Variants in PALD1 observed in about 807,000 individuals in gnomAD.
The protein encoded by PALD1 is paladin.
In PALD1, 57 loss-of-function variants were observed where a neutral mutation model predicts 96.0. That is an observed-to-expected ratio of 0.59 (90% CI 0.48 to 0.74). The LOEUF (loss-of-function observed/expected upper bound fraction) is 0.74. Ranked by LOEUF, PALD1 falls within the 30% of genes least tolerant of loss-of-function variation. The pLI is 0.00. For synonymous variants in PALD1, 464 were observed against 473.6 expected (o/e 0.98, Z 0.26); for missense variants, 1,063 against 1,143.7 (o/e 0.93, Z 1.02).
At chr10:70,469,441 G>A in the PALD1 span, among the ~76,000 whole-genome samples, 10 of 152,210 alleles carry the variant, frequency 6.6e-5, no homozygotes, top group Non-Finnish European at 8.8e-5. Context: ...GGGGGTGTCT[G>A]GAGGGGCCTT....
At chr10:70,507,750 CGTGTGT>C (rs10579511) in intron 1 of PALD1, among the ~76,000 whole-genome samples, 2,075 of 148,736 alleles carry the variant, frequency 0.014, 37 homozygotes, top group African/African-American at 0.042. Context: ...TTTGTGTGTG[CGTGTGT>C]GTGTGTGTGT....
intron 18 of PALD1, among the ~76,000 whole-genome samples, chr10:70,559,855 C>T (rs999399669): frequency 6.6e-6 from 1 of 152,152 alleles, no homozygotes; most frequent in African/African-American, 2.4e-5. Context: ...GTCCAGTCTG[C>T]AATCCTCAGA....
intron 1 of PALD1, among the ~76,000 whole-genome samples, chr10:70,517,443 G>C (rs1846643200): frequency 6.6e-6 from 1 of 151,344 alleles, no homozygotes; most frequent in East Asian, 1.9e-4. Context: ...CTGGGTTCAA[G>C]CGATCCTCCT....
In PALD1 at chr10:70,532,766, T is replaced by A. The variant is rs753267660; in HGVS notation, c.779T>A (p.Leu260Gln). ...GAGGTGTACAAGCGGCCCCTCTTCC[T>A]GCAGCCCACCTACAGGTACCACAGG... ...TEEVYKRPLFLQPTYRYHRLP... is the reference protein window; with the variant it reads ...TEEVYKRPLFQQPTYRYHRLP... Residue 260 changes from leucine to glutamine, a missense_variant, in exon 6 of 20, where the codon CTG (leucine) becomes CAG (glutamine). By Grantham distance (113) the Leu-to-Gln change is moderately radical. Transcript: ENST00000263563. 6.2e-7 allele frequency: 1 copy of A among 1,614,126 alleles called. No individual in the cohort carries two copies. The highest frequency in any genetic ancestry group is 8.5e-7 in the Non-Finnish European group (1 of 1,179,998).
rs1846936183 is a variant in PALD1 at position 70,529,205 on chromosome 10, TCTGC to T, written c.186-22_186-19del. The T allele has an allele frequency of 2.2e-6, 1 of 464,534 alleles. No individual in the cohort carries two copies. The highest frequency in any genetic ancestry group is 3.8e-6 in the Non-Finnish European group (1 of 264,642). The allele number at this position is 464,534 out of a possible 1,614,324, so 28.8% of individuals were successfully genotyped here. ...GGAGGTTGCTTGACTCAGTTTCCAT[TCTGC>T]CCCCCCCCCCCCCCCCCAGGTACAA... On this transcript the variant is annotated intron_variant, in intron 2 of 19. Transcript: ENST00000263563.
chr10:70,469,479 T>C, the PALD1 span, among the ~76,000 whole-genome samples: 1 of 152,184 alleles, frequency 6.6e-6, no homozygotes, highest in Non-Finnish European at 1.5e-5. Context: ...CGGCGGCTGC[T>C]AGTTGAAGTG....
rs939716041 is a variant in PALD1, at chr10:70,566,996, C to A, written c.*263C>A. 2 of 481,012 alleles carry A rather than the reference C, an allele frequency of 4.2e-6. No individual in the cohort carries two copies. The highest frequency in any genetic ancestry group is 4.0e-5 in the African/African-American group (2 of 50,502). 29.8% of individuals were successfully genotyped at this position (481,012 alleles called of 1,614,324 possible). ...CTCACTGGAGTGCTCACAAGGTGCA[C>A]ACTGCTGTGTGTACCTTGCAGACAG... On this transcript the variant is annotated 3_prime_UTR_variant, in exon 20 of 20. Transcript: ENST00000263563.
chr10:70,538,177 A>G, intron 11 of PALD1, 103 bp from the exon 12 acceptor site: 2 of 1,251,454 alleles, frequency 1.6e-6, no homozygotes, highest in Non-Finnish European at 2.3e-6. Flanking sequence ...GCTCTGGGCC[A>G]TGTTGGATAT....
Position 70,539,694 on chromosome 10 carries a change from C to A in PALD1, c.1840C>A (p.Arg614Ser). The A allele has an allele frequency of 6.2e-7, 1 of 1,613,726 alleles. No individual in the cohort carries two copies. The highest frequency in any genetic ancestry group is 8.5e-7 in the Non-Finnish European group (1 of 1,179,836). ...CATGCAGGAGGTCTTCAGCCAGCAC[C>A]GCAGGGCCTGTCCTGGCCTCACCTA... ...LTMQEVFSQHRRACPGLTYHR... is the reference protein window; with the variant it reads ...LTMQEVFSQHSRACPGLTYHR... Residue 614 changes from arginine (R) to serine (S), a missense_variant, in exon 15 of 20, where the codon CGC becomes AGC. Transcript: ENST00000263563. This position sits in a 1 kb window ranked among gnomAD's most constrained non-coding sequence, Gnocchi z 4.5.
At chr10:70,529,603 C>T (rs1431600954) in intron 3 of PALD1, among the ~76,000 whole-genome samples, 2 of 152,144 alleles carry the variant, frequency 1.3e-5, no homozygotes, top group Non-Finnish European at 2.9e-5. Context: ...GCTCTTTCCT[C>T]CAGGCCTGGC....
chr10:70,532,846 T>A (rs1392821169), intron 6 of PALD1, 65 bp downstream of exon 6: 4 of 1,576,044 alleles, frequency 2.5e-6, no homozygotes, highest in Non-Finnish European at 3.5e-6. Context: ...AGCTGCAGCC[T>A]CAGTTTCACC....
chr10:70,542,832 T>C (rs1847279129), intron 17 of PALD1, among the ~76,000 whole-genome samples: 1 of 152,252 alleles, frequency 6.6e-6, no homozygotes. Flanking sequence ...GTTTACTTTT[T>C]TGAGGAACCA....
At chr10:70,464,774 T>C in the PALD1 span, among the ~76,000 whole-genome samples, 1 of 146,410 alleles carries the variant, frequency 6.8e-6, no homozygotes, top group Non-Finnish European at 1.5e-5. Context: ...TACAGGCACA[T>C]ACCACCACGC....
intron 1 of PALD1, among the ~76,000 whole-genome samples, chr10:70,515,706 C>A (rs1401419669): frequency 6.6e-6 from 1 of 152,092 alleles, no homozygotes; most frequent in Non-Finnish European, 1.5e-5. Flanking sequence ...CATCTTTATA[C>A]GGTCCAGCAG....
chr10:70,459,272 G>A, the PALD1 span, among the ~76,000 whole-genome samples: 1 of 152,242 alleles, frequency 6.6e-6, no homozygotes, highest in Admixed American at 6.5e-5. Context: ...TCGGAGAGGT[G>A]AAGTCACTTC....
chr10:70,557,930 CTTTTTT>C (rs781513750), intron 18 of PALD1, among the ~76,000 whole-genome samples: 1 of 92,882 alleles, frequency 1.1e-5, no homozygotes, highest in African/African-American at 4.0e-5. Flanking sequence ...TTGGCTCTTC[CTTTTTT>C]TTTTTTTTTT....
chr10:70,557,071 A>G (rs1847626836), intron 18 of PALD1, among the ~76,000 whole-genome samples: 1 of 152,244 alleles, frequency 6.6e-6, no homozygotes, highest in Admixed American at 6.5e-5. Context: ...TCCAGGACAG[A>G]GCGTTCTTCT....
the PALD1 span, among the ~76,000 whole-genome samples, chr10:70,467,826 G>A: frequency 2.6e-5 from 4 of 152,110 alleles, no homozygotes; most frequent in African/African-American, 9.7e-5. Context: ...TCTTGGATGA[G>A]GTGGGGAGTT....
intron 1 of PALD1, among the ~76,000 whole-genome samples, chr10:70,482,623 A>G (rs1329479645): frequency 1.3e-5 from 2 of 152,104 alleles, no homozygotes; most frequent in Non-Finnish European, 2.9e-5. Context: ...TGCCTCGACC[A>G]TCTTCCTACC....
Sources: gnomAD v4.1 joint callset for allele counts (sites outside exome capture counted in the v4.1 genomes callset) on GRCh38, gnomAD v4.1.1 for gene constraint, Gnocchi (gnomAD v3.1) non-coding constraint, MANE v1.5 for transcripts, NCBI Gene and HGNC (gene_info 2026-07-23, HGNC 2026-07-21) for gene names.